The following USP24 variants were observed in gnomAD, a reference collection of about 807,000 sequenced individuals.
The protein encoded by USP24 is ubiquitin specific peptidase 24.
In USP24, 97 loss-of-function variants were observed where a neutral mutation model predicts 361.6. That is an observed-to-expected ratio of 0.27 (90% CI 0.23 to 0.32). USP24 has a LOEUF of 0.32. Among genes scored for constraint, USP24 ranks in the 10% least tolerant of loss-of-function variants. The pLI is 1.00. For synonymous variants in USP24, 1,098 were observed against 1,124.6 expected (o/e 0.98, Z 0.47); for missense variants, 2,353 against 3,165.6 (o/e 0.74, Z 6.16).
intron 60 of USP24, among the ~76,000 whole-genome samples, chr1:55,079,135 G>A (rs1481655388): frequency 6.6e-6 from 1 of 152,170 alleles, no homozygotes; most frequent in African/African-American, 2.4e-5. Flanking sequence ...GAGCCACACA[G>A]GCACCATGAT....
Position 55,153,901 on chromosome 1 carries a change from C to T in USP24, c.1829G>A (p.Gly610Asp), listed in dbSNP as rs1647353812. The change falls in exon 16 of 68, where the codon GGT becomes GAT. Residue 610 changes from glycine (G) to aspartate (D), a missense_variant. Gly to Asp is a moderately conservative substitution (Grantham distance 94, BLOSUM62 -1). Coordinates refer to ENST00000294383, the MANE Select transcript of USP24 (RefSeq NM_015306.3). ...TCCATCCTTCTTGTTTTTTTCCAAA[C>T]CTGACCATTCTCCAGGCTGAAAATT... is the stretch of plus-strand genomic sequence containing the variant. ...EDIKRPGEWS[G>D]LEKNKKDGFK... is the part of the protein sequence containing the mutation. 1.9e-6 allele frequency: 3 copies of T among 1,550,676 alleles called. No homozygotes were observed. The highest frequency in any genetic ancestry group is 1.4e-5 in the African/African-American group (1 of 72,914).
At chr1:55,122,111 G>C (rs1252605609) in intron 36 of USP24, among the ~76,000 whole-genome samples, 1 of 152,048 alleles carries the variant, frequency 6.6e-6, no homozygotes, top group Non-Finnish European at 1.5e-5. Flanking sequence ...TTGGGGAGGA[G>C]ATAATGACAA....
At chr1:55,153,966 C>T in intron 15 of USP24, 49 bp from the exon 16 acceptor site, 2 of 1,541,198 alleles carry the variant, frequency 1.3e-6, no homozygotes, top group Admixed American at 2.0e-5. Context: ...AAAAGCAATA[C>T]CTATAATTTC....
chr1:55,084,353 C>T (rs1203365390), intron 56 of USP24: 1 of 154,300 alleles, frequency 6.5e-6, no homozygotes, highest in Non-Finnish European at 1.4e-5. Flanking sequence ...AACAGCCTGA[C>T]AGAATGACAA....
intron 58 of USP24, 41 bp downstream of exon 58, chr1:55,083,231 A>T: frequency 6.3e-7 from 1 of 1,579,402 alleles, no homozygotes; most frequent in South Asian, 1.1e-5. Context: ...CGGCTATGAA[A>T]ACCATAGCTA....
chr1:55,099,746 A>G lies in USP24; in HGVS notation c.5370+25T>C, dbSNP rs759005194. ...ACTATAATTAGAGTTTGAGGGAGTT[A>G]GAGGGAAAGTACAACTTTTACTACC... is the stretch of plus-strand genomic sequence containing the variant. On this transcript the variant is annotated intron_variant, in intron 45 of 67. Transcript: ENST00000294383. The G allele has an allele frequency of 2.7e-6, 4 of 1,494,996 alleles. No individual in the cohort carries two copies. In the African/African-American group the frequency reaches 4.2e-5, roughly 16 times the overall value. 92.6% of individuals were successfully genotyped at this position (1,494,996 alleles called of 1,614,324 possible). A position where few individuals can be genotyped will look rare whatever the true frequency, so the allele number is the denominator to read the frequency against.
At chr1:55,098,611 A>G in intron 45 of USP24, 53 bp from the exon 46 acceptor site, 1 of 1,312,502 alleles carries the variant, frequency 7.6e-7, no homozygotes, top group South Asian at 1.2e-5. Flanking sequence ...ACTTATGAGT[A>G]TACAGAATTT....
chr1:55,131,673 A>G (rs1341575225), intron 31 of USP24, among the ~76,000 whole-genome samples: 1 of 152,222 alleles, frequency 6.6e-6, no homozygotes, highest in Non-Finnish European at 1.5e-5. Context: ...ATGAAGGACT[A>G]TAATTATATG....
chr1:55,191,523 C>T (rs112858532), intron 1 of USP24, among the ~76,000 whole-genome samples: 5,582 of 148,372 alleles, frequency 0.038, 337 homozygotes, highest in African/African-American at 0.13. Flanking sequence ...TGGAGTCTCG[C>T]TCTGTCACCC....
intron 36 of USP24, among the ~76,000 whole-genome samples, chr1:55,122,552 A>T (rs1646312482): frequency 6.6e-6 from 1 of 152,206 alleles, no homozygotes; most frequent in Non-Finnish European, 1.5e-5. Flanking sequence ...ATAAACTGCA[A>T]GGCAGAAGCA....
chr1:55,147,586 T>A, intron 18 of USP24, 63 bp downstream of exon 18: 1 of 1,450,424 alleles, frequency 6.9e-7, no homozygotes, highest in Non-Finnish European at 9.1e-7. Flanking sequence ...CTTTTTATAG[T>A]ATAAGTATAA....
chr1:55,171,767 T>C, intron 4 of USP24, 89 bp from the exon 5 acceptor site: 2 of 1,381,186 alleles, frequency 1.4e-6, no homozygotes, highest in Non-Finnish European at 2.0e-6. Context: ...ATATAGCCTT[T>C]GACTCCCCTC....
chr1:55,080,639 TG>T (rs1324075775), intron 59 of USP24, among the ~76,000 whole-genome samples: 1 of 152,212 alleles, frequency 6.6e-6, no homozygotes, highest in Non-Finnish European at 1.5e-5. Context: ...ACTGAAAAGC[TG>T]GTTTGTTGTA....
intron 3 of USP24, among the ~76,000 whole-genome samples, chr1:55,176,042 T>C (rs1480771901): frequency 6.6e-6 from 1 of 152,242 alleles, no homozygotes; most frequent in Admixed American, 6.5e-5. Context: ...TTTACTAATA[T>C]GTGCAATATC....
intron 3 of USP24, among the ~76,000 whole-genome samples, chr1:55,175,284 T>G (rs560800711): frequency 7.5e-6 from 1 of 133,088 alleles, no homozygotes; most frequent in Admixed American, 9.5e-5. Flanking sequence ...TGGAGTGCAA[T>G]GGTGTGATCT....
chr1:55,091,505 C>A (rs1174889477), intron 54 of USP24, among the ~76,000 whole-genome samples: 1 of 152,206 alleles, frequency 6.6e-6, no homozygotes, highest in Non-Finnish European at 1.5e-5. Context: ...CTTTCACGAT[C>A]TCCCACTGAA....
At chr1:55,101,210 C>T (rs886541017) in intron 43 of USP24, among the ~76,000 whole-genome samples, 11 of 152,144 alleles carry the variant, frequency 7.2e-5, no homozygotes, top group Non-Finnish European at 1.6e-4. Context: ...AGGAAATAAG[C>T]GTAGCCCAGT....
rs750037612 is a variant in USP24 at position 55,121,401 on chromosome 1, AAAGGAGTTTTGT to A, written c.4347+23_4347+34del. The A allele has an allele frequency of 5.0e-6, 8 of 1,586,822 alleles. No homozygotes were observed. The South Asian group carries it at 7.9e-5, about 16-fold the overall frequency. On this transcript the variant is annotated intron_variant, in intron 37 of 67. Coordinates refer to ENST00000294383, the MANE Select transcript of USP24 (RefSeq NM_015306.3). ...AGACAGCTCACAAAACAACAGGACC[AAAGGAGTTTTGT>A]AAGTAATGTGAAAAATCCTTACCTC...
intron 1 of USP24, among the ~76,000 whole-genome samples, chr1:55,190,701 C>G (rs1644263598): frequency 6.6e-6 from 1 of 152,000 alleles, no homozygotes; most frequent in African/African-American, 2.4e-5. Flanking sequence ...GTGCTGAGGA[C>G]AAAGATAACG....
Sources: gnomAD v4.1 joint callset for allele counts (sites outside exome capture counted in the v4.1 genomes callset) on GRCh38, gnomAD v4.1.1 for gene constraint, MANE v1.5 for transcripts, NCBI Gene and HGNC (gene_info 2026-07-23, HGNC 2026-07-21) for gene names.